The following TRDN variants were observed in gnomAD, a reference collection of about 807,000 sequenced individuals.
The protein encoded by TRDN is triadin in skeletal muscle.
TRDN carries 161 observed loss-of-function variants against 149.7 expected under a neutral mutation model. The observed-to-expected ratio is 1.08, with a 90% CI of 0.95 to 1.23. TRDN has a LOEUF of 1.23. Among genes scored for constraint, TRDN ranks in the 50% most tolerant of loss-of-function variants. The pLI is 0.00. For missense variants in TRDN, 896 were observed against 823.5 expected, an observed-to-expected ratio of 1.09 and a Z score of -1.08; for synonymous variants, 294 against 250.5, an observed-to-expected ratio of 1.17 and a Z score of -1.64.
chr6:123,372,223 C>T (rs900402697), intron 19 of TRDN, among the ~76,000 whole-genome samples: 8 of 151,858 alleles, frequency 5.3e-5, no homozygotes, highest in South Asian at 2.1e-4. Context: ...AAATATTCTT[C>T]TAACATACAT....
In TRDN at chr6:123,221,145, T is replaced by G. The variant is rs151300536; in HGVS notation, c.2050+342A>C. Among the ~76,000 whole-genome samples, 118 of 151,866 alleles carry G rather than the reference T, an allele frequency of 7.8e-4. No homozygotes were observed. In the East Asian group the frequency reaches 0.022, roughly 29 times the overall value. ...TTTTTTCTACCTGATATAAAAAAAT[T>G]TGGCATATTACTTCAGCTGTCCTAT... On this transcript the variant is annotated intron_variant, in intron 40 of 40. Transcript: ENST00000334268.
chr6:123,250,737 C>A (rs1776345379), intron 38 of TRDN, among the ~76,000 whole-genome samples: 1 of 151,982 alleles, frequency 6.6e-6, no homozygotes, highest in African/African-American at 2.4e-5. Flanking sequence ...ACTCTTACTA[C>A]TACTACTGCT....
chr6:123,471,661 C>T lies in TRDN; in HGVS notation c.854-6678G>A, dbSNP rs374556883. The T allele has an allele frequency of 3.9e-4, 59 of 152,250 alleles. 1 individual carries two copies. The highest frequency in any genetic ancestry group is 1.3e-3 in the African/African-American group (55 of 41,544). The allele number at this position is 152,250 out of a possible 1,614,324, so 9.4% of individuals were successfully genotyped here. A position where few individuals can be genotyped will look rare whatever the true frequency, so the allele number is the denominator to read the frequency against. On this transcript the variant is annotated intron_variant, in intron 9 of 40. Transcript: ENST00000334268. ...TAAAAGCTTCCCTAATATATTTCCA[C>T]GTGTTATTACATATTTTCGTATTCA...
intron 6 of TRDN, among the ~76,000 whole-genome samples, chr6:123,514,765 T>A (rs1779343790): frequency 6.6e-6 from 1 of 151,450 alleles, no homozygotes; most frequent in Non-Finnish European, 1.5e-5. Flanking sequence ...TAGTAAGCAG[T>A]TAAAAATACT....
At chr6:123,289,389 A>G (rs1777919190) in intron 24 of TRDN, among the ~76,000 whole-genome samples, 1 of 151,944 alleles carries the variant, frequency 6.6e-6, no homozygotes, top group Non-Finnish European at 1.5e-5. Context: ...GTTAAACTGG[A>G]GGAATAAGTT....
At chr6:123,226,030 C>A (rs2114510002) in intron 38 of TRDN, among the ~76,000 whole-genome samples, 1 of 151,634 alleles carries the variant, frequency 6.6e-6, no homozygotes, top group East Asian at 2.0e-4. Flanking sequence ...GCAATGTGAC[C>A]TTTATAGAAA....
intron 24 of TRDN, among the ~76,000 whole-genome samples, chr6:123,299,893 T>C (rs1012676508): frequency 6.6e-6 from 1 of 152,012 alleles, no homozygotes; most frequent in Non-Finnish European, 1.5e-5. Flanking sequence ...GCAAAGAAGA[T>C]ATAAACTAAG....
At chr6:123,473,800 A>C (rs1219100750) in intron 9 of TRDN, among the ~76,000 whole-genome samples, 1 of 152,116 alleles carries the variant, frequency 6.6e-6, no homozygotes, top group South Asian at 2.1e-4. Context: ...CAACATTCTT[A>C]AAGAAAAGAA....
chr6:123,258,192 AG>A (rs760619043), intron 35 of TRDN, among the ~76,000 whole-genome samples: 19 of 152,138 alleles, frequency 1.2e-4, no homozygotes, highest in Non-Finnish European at 2.5e-4. Context: ...GTGGTGAAAG[AG>A]GGCATCCTTG....
chr6:123,294,121 C>T (rs1002735003), intron 24 of TRDN, among the ~76,000 whole-genome samples: 1 of 152,154 alleles, frequency 6.6e-6, no homozygotes, highest in African/African-American at 2.4e-5. Flanking sequence ...GGATTATTTA[C>T]CGGCTGAACA....
At chr6:123,331,625 C>A (rs1416002762) in intron 23 of TRDN, among the ~76,000 whole-genome samples, 1 of 151,868 alleles carries the variant, frequency 6.6e-6, no homozygotes, top group Non-Finnish European at 1.5e-5. Flanking sequence ...CACTACAGAC[C>A]CATGGAATCA....
chr6:123,571,044 T>C lies in TRDN; in HGVS notation c.111A>G (p.Thr37=). The C allele has an allele frequency of 6.2e-7, 1 of 1,614,042 alleles. No homozygotes were observed. Among genetic ancestry groups the C allele is most frequent in the Non-Finnish European group, 8.5e-7 (1 of 1,179,878 alleles). Residue 37 remains threonine (T), a synonymous_variant, in exon 2 of 41, where the codon ACA becomes ACG. Transcript: ENST00000334268. Reference sequence around the variant, plus strand: ...AGCTGAACGTCGTCACTATGTCTTCTGTGACTGTCCTCTTCAGCACTTTTC... The same window carrying C: ...AGCTGAACGTCGTCACTATGTCTTCCGTGACTGTCCTCTTCAGCACTTTTC... ...SPGKVLKRTV[T]EDIVTTFSSP...
chr6:123,573,248 G>A (rs538119694), intron 1 of TRDN, among the ~76,000 whole-genome samples: 4 of 152,164 alleles, frequency 2.6e-5, no homozygotes, highest in South Asian at 4.1e-4. Context: ...AATGAGATTG[G>A]TAAGACTCAA....
At chr6:123,239,083 C>T (rs1775894416) in intron 38 of TRDN, among the ~76,000 whole-genome samples, 1 of 152,166 alleles carries the variant, frequency 6.6e-6, no homozygotes, top group Admixed American at 6.5e-5. Context: ...TCATGATCTG[C>T]CCACCTCGGC....
intron 33 of TRDN, among the ~76,000 whole-genome samples, chr6:123,260,931 T>C (rs1173388517): frequency 6.6e-6 from 1 of 151,714 alleles, no homozygotes; most frequent in Non-Finnish European, 1.5e-5. Context: ...TAGTACTTGA[T>C]AGAACAACAG....
At chr6:123,303,508 A>G (rs1226511863) in intron 24 of TRDN, among the ~76,000 whole-genome samples, 1 of 152,194 alleles carries the variant, frequency 6.6e-6, no homozygotes, top group African/African-American at 2.4e-5. Context: ...CAGACCAAGG[A>G]TAAAGACATG....
chr6:123,463,815 G>A (rs1429293977), intron 10 of TRDN, among the ~76,000 whole-genome samples: 1 of 141,960 alleles, frequency 7.0e-6, no homozygotes, highest in Non-Finnish European at 1.5e-5. Context: ...TAAATCACTT[G>A]TTTACTCTCT....
intron 1 of TRDN, among the ~76,000 whole-genome samples, chr6:123,577,282 C>A (rs1453469461): frequency 2.0e-5 from 3 of 151,896 alleles, no homozygotes; most frequent in African/African-American, 4.8e-5. Flanking sequence ...TTTTTTTCTG[C>A]TCCTGTCCCT....
chr6:123,403,148 T>C (rs1773050887), intron 12 of TRDN, among the ~76,000 whole-genome samples: 1 of 152,150 alleles, frequency 6.6e-6, no homozygotes, highest in African/African-American at 2.4e-5. Context: ...TATTAGTTAA[T>C]AATCTATAAG....
Sources: allele counts gnomAD v4.1 joint callset (sites outside exome capture counted in the v4.1 genomes callset), GRCh38; gene constraint gnomAD v4.1.1; transcripts MANE v1.5; gene names NCBI Gene and HGNC (gene_info 2026-07-23, HGNC 2026-07-21).